SLC11A1: variants seen among roughly 807,000 people sequenced by gnomAD.
The protein encoded by SLC11A1 is solute carrier family 11 member 1.
Under a neutral mutation model 63.2 loss-of-function variants are expected in SLC11A1, and 59 were observed. That is an observed-to-expected ratio of 0.93 (90% CI 0.76 to 1.16). The LOEUF (loss-of-function observed/expected upper bound fraction) is 1.16, where lower values mean the gene tolerates loss of function less well. SLC11A1 is among the 50% of genes most tolerant of loss of function. The pLI is 0.00. For missense variants in SLC11A1, 688 were observed against 730.7 expected (o/e 0.94, Z 0.67); for synonymous variants, 305 against 307.8 (o/e 0.99, Z 0.09).
intron 8 of SLC11A1, 95 bp from the exon 9 acceptor site, chr2:218,389,775 C>T (rs1696322313): frequency 2.2e-6 from 3 of 1,345,818 alleles, no homozygotes; most frequent in Non-Finnish European, 2.0e-6. Flanking sequence ...TAAGAAGGTA[C>T]TGGGCTTTGG....
intron 1 of SLC11A1, among the ~76,000 whole-genome samples, chr2:218,382,726 G>A (rs1695870654): frequency 6.6e-6 from 1 of 152,190 alleles, no homozygotes; most frequent in African/African-American, 2.4e-5. Flanking sequence ...CTCTGTGGCA[G>A]GAGATCTGCC....
At chr2:218,390,584 G>A (rs562956486) in intron 9 of SLC11A1, among the ~76,000 whole-genome samples, 1 of 152,276 alleles carries the variant, frequency 6.6e-6, no homozygotes, top group East Asian at 1.9e-4. Context: ...AGAAGGGGTG[G>A]CCAGGCCTCC....
At chr2:218,394,402 G>A (rs1373762571) in intron 13 of SLC11A1, 18 of 686,224 alleles carry the variant, frequency 2.6e-5, no homozygotes, top group Non-Finnish European at 3.9e-5. Flanking sequence ...GAGCCTGAGC[G>A]CCTCACTCTC....
rs768035351 is a variant in SLC11A1 at position 218,393,029 on chromosome 2, C to G, written c.1213C>G (p.Arg405Gly). The change falls in exon 12 of 15, where the codon CGC (arginine) becomes GGC (glycine). Residue 405 changes from arginine (R) to glycine (G), a missense_variant. By Grantham distance (125) the Arg-to-Gly change is moderately radical. Transcript: ENST00000233202. ...WSRFARVLLT[R>G]SCAILPTVLV... The stretch of plus-strand genomic sequence containing the variant: ...ACGCTTCGCCCGTGTCCTCCTCACC[C>G]GCTCCTGCGCCATCCTGCCCACCGT... 2.5e-6 allele frequency: 4 copies of G among 1,599,414 alleles called. No homozygotes were observed. The highest frequency in any genetic ancestry group is 3.4e-6 in the Non-Finnish European group (4 of 1,176,194).
In SLC11A1 at chr2:218,395,074, G is replaced by A; in HGVS notation, c.*39G>A. 1.4e-6 allele frequency: 2 copies of A among 1,468,046 alleles called. No individual in the cohort carries two copies. Among genetic ancestry groups the A allele is most frequent in the Non-Finnish European group, 1.9e-6 (2 of 1,071,850 alleles). 90.9% of individuals were successfully genotyped at this position (1,468,046 alleles called of 1,614,324 possible). On this transcript the variant is annotated 3_prime_UTR_variant, in exon 15 of 15. Transcript: ENST00000233202. ...CCTGGCTGGGAGTGGCATGTATGAC[G>A]TGACTGGCCTGCTGGATGTGGAGGG...
At position 218,396,860 on chromosome 2, in the gene SLC11A1, CAA is replaced by C. The variant is rs1696815683; in HGVS notation, c.*1827_*1828del. The C allele has an allele frequency of 6.6e-6, 1 of 152,520 alleles. No individual in the cohort carries two copies. The highest frequency in any genetic ancestry group is 1.5e-5 in the Non-Finnish European group (1 of 68,224). 9.4% of individuals were successfully genotyped at this position (152,520 alleles called of 1,614,324 possible). A position where few individuals can be genotyped will look rare whatever the true frequency, so the allele number is the denominator to read the frequency against. On this transcript the variant is annotated 3_prime_UTR_variant, in exon 15 of 15. Transcript: ENST00000233202. ...CTGTGTTACAAGTTGGGGAGGGCGG[CAA>C]AGTCCCGAATTAAAGATGTCAGTTC...
intron 4 of SLC11A1, 147 bp downstream of exon 4, chr2:218,385,413 C>T (rs772806396): frequency 1.0e-4 from 125 of 1,199,196 alleles, no homozygotes; most frequent in Admixed American, 2.8e-4. Context: ...GTTTTTCAGT[C>T]GGAGTCTCGC....
In SLC11A1 at chr2:218,383,187, T is replaced by C. The variant is rs1204341133; in HGVS notation, c.150+85T>C. 22 of 1,466,066 alleles carry C rather than the reference T, an allele frequency of 1.5e-5. No individual in the cohort carries two copies. The Admixed American group carries it at 4.1e-4, about 27-fold the overall frequency. 90.8% of individuals were successfully genotyped at this position (1,466,066 alleles called of 1,614,324 possible). On this transcript the variant is annotated intron_variant, in intron 2 of 14. Transcript: ENST00000233202. ...TGGGCTGGAGAATGGGGTCTCCTTA[T>C]GATCATGGGTGGCAAGTCCCTTCCA...
Position 218,391,215 on chromosome 2 carries a change from C to A in SLC11A1, c.972C>A (p.Asn324Lys), listed in dbSNP as rs749493884. ...ACCCACAGTTCAACATCTGTGCCAA[C>A]AGCAGCCTCCACGACTACGCCAAGA... ...TNQAAFNICA[N>K]SSLHDYAKIF... The change falls in exon 10 of 15, where the codon AAC becomes AAA. Residue 324 changes from asparagine to lysine, a missense_variant. By Grantham distance (94) the Asn-to-Lys change is moderately conservative (BLOSUM62 0). Coordinates refer to ENST00000233202, the MANE Select transcript of SLC11A1 (RefSeq NM_000578.4). The A allele has an allele frequency of 1.3e-5, 21 of 1,613,924 alleles. No individual in the cohort carries two copies. The highest frequency in any genetic ancestry group is 1.8e-5 in the Non-Finnish European group (21 of 1,179,988).
chr2:218,386,849 C>G (rs1454875469), intron 5 of SLC11A1, 108 bp downstream of exon 5: 1 of 818,228 alleles, frequency 1.2e-6, no homozygotes, highest in Non-Finnish European at 2.1e-6. Flanking sequence ...GCTGTCCCCT[C>G]TGAAGCAGGG....
chr2:218,386,809 A>T, intron 5 of SLC11A1, 68 bp downstream of exon 5: 1 of 1,131,448 alleles, frequency 8.8e-7, no homozygotes, highest in Non-Finnish European at 1.3e-6. Context: ...TCCCCCCCTA[A>T]CCAGTCCCTC....
At chr2:218,388,369 CAAAAA>C (rs34511982) in intron 8 of SLC11A1, 3 of 115,686 alleles carry the variant, frequency 2.6e-5, no homozygotes, top group Non-Finnish European at 3.8e-5. Context: ...GACTCTGTCT[CAAAAA>C]AAAAAAAAAA....
rs1696150515 is a variant in SLC11A1 at position 218,387,168 on chromosome 2, T to G, written c.509T>G (p.Leu170Arg). 6.2e-7 allele frequency: 1 copy of G among 1,614,078 alleles called. No individual in the cohort carries two copies. The highest frequency in any genetic ancestry group is 1.7e-5 in the Admixed American group (1 of 60,008). The change falls in exon 6 of 15, where the codon CTC becomes CGC. Residue 170 changes from leucine (L) to arginine (R), a missense_variant. Transcript: ENST00000233202. ...GGCCACTCTGGTTTCAGAATCCCAC[T>G]CTGGGGTGGCGTCCTCATCACCATC... ...FNLLSAGRIP[L>R]WGGVLITIVD...
At chr2:218,387,126 C>A (rs1696147929) in intron 5 of SLC11A1, 34 bp from the exon 6 acceptor site, 1 of 1,603,870 alleles carries the variant, frequency 6.2e-7, no homozygotes, top group African/African-American at 1.3e-5. Flanking sequence ...ACCCCTGGAC[C>A]AGGCTGGGCT....
At chr2:218,390,982 G>A (rs867463328) in intron 9 of SLC11A1, among the ~76,000 whole-genome samples, 10 of 152,156 alleles carry the variant, frequency 6.6e-5, no homozygotes, top group Non-Finnish European at 1.2e-4. Context: ...GGGAGTTCAA[G>A]ACCAACCTGG....
chr2:218,391,711 C>G (rs1490038053), intron 11 of SLC11A1: 11 of 518,868 alleles, frequency 2.1e-5, no homozygotes, highest in South Asian at 9.5e-5. Context: ...TGCAACCTCC[C>G]CCTCCCAGGT....
intron 4 of SLC11A1, 75 bp from the exon 5 acceptor site, chr2:218,386,560 G>T: frequency 9.9e-7 from 1 of 1,012,184 alleles, no homozygotes; most frequent in South Asian, 1.4e-5. Flanking sequence ...AGTCTGAGAC[G>T]ACAGACAAAT....
chr2:218,394,060 C>T (rs926166881), intron 12 of SLC11A1, 60 bp from the exon 13 acceptor site: 2 of 1,580,528 alleles, frequency 1.3e-6, no homozygotes, highest in African/African-American at 2.7e-5. Context: ...CATCTTGCCC[C>T]CACCCTTGCC....
intron 6 of SLC11A1, 112 bp from the exon 7 acceptor site, chr2:218,387,453 G>A: frequency 1.8e-6 from 2 of 1,118,968 alleles, no homozygotes; most frequent in Non-Finnish European, 2.7e-6. Flanking sequence ...GGTAACATAT[G>A]TTAAGCACTT....
Sources: allele counts gnomAD v4.1 joint callset (sites outside exome capture counted in the v4.1 genomes callset), GRCh38; gene constraint gnomAD v4.1.1; transcripts MANE v1.5; gene names NCBI Gene and HGNC (gene_info 2026-07-23, HGNC 2026-07-21).